The following TTC7B variants were observed in gnomAD, a reference collection of about 807,000 sequenced individuals.
TTC7B encodes the protein tetratricopeptide repeat protein 7B.
In TTC7B, 28 loss-of-function variants were observed where a neutral mutation model predicts 106.8. The ratio of observed to expected loss-of-function variants is 0.26; its 90% CI spans 0.19 to 0.36. The LOEUF is 0.36. TTC7B is among the 10% of genes least tolerant of loss of function. The pLI, the probability that TTC7B is intolerant of heterozygous loss-of-function variation, is 1.00. For synonymous variants in TTC7B, 405 were observed against 430.6 expected (o/e 0.94, Z 0.74); for missense variants, 862 against 1,076.4 (o/e 0.80, Z 2.79).
At chr14:90,562,805 C>T (rs910381604) in intron 19 of TTC7B, among the ~76,000 whole-genome samples, 3 of 152,140 alleles carry the variant, frequency 2.0e-5, no homozygotes, top group African/African-American at 4.8e-5. Flanking sequence ...CAAACTTGCC[C>T]GAATGTCCCA....
intron 1 of TTC7B, among the ~76,000 whole-genome samples, chr14:90,814,605 C>T (rs2031074431): frequency 6.6e-6 from 1 of 152,172 alleles, no homozygotes; most frequent in African/African-American, 2.4e-5. Context: ...CAAATAAACC[C>T]ATTTAATCCT....
At chr14:90,623,168 C>A (rs146345945) in intron 15 of TTC7B, among the ~76,000 whole-genome samples, 1 of 152,254 alleles carries the variant, frequency 6.6e-6, no homozygotes, top group East Asian at 1.9e-4. Flanking sequence ...ATAAAAAACA[C>A]GAGAGCTCAC....
rs142561761 is a variant in TTC7B, at chr14:90,644,164, T to C, written c.1635A>G (p.Gln545=). The change falls in exon 15 of 20, where the codon CAA becomes CAG. Residue 545 remains glutamine (Q), a synonymous_variant. Coordinates refer to ENST00000328459, the MANE Select transcript of TTC7B (RefSeq NM_001010854.2). ...GGTGCAGGGAGTTGGCATCGTCACC[T>C]TGAAGCTGAAGAGCTTGGCGGACAT... ...LGYVRQALQL[Q]GDDANSLHLL... 16 of 1,612,840 alleles carry C rather than the reference T, an allele frequency of 9.9e-6. No homozygotes were observed. Among genetic ancestry groups the C allele is most frequent in the African/African-American group, 1.3e-5 (1 of 74,780 alleles).
At chr14:90,683,347 C>T (rs1887128443) in intron 7 of TTC7B, among the ~76,000 whole-genome samples, 3 of 152,102 alleles carry the variant, frequency 2.0e-5, no homozygotes, top group Admixed American at 6.5e-5. Context: ...CCTGGAGAAA[C>T]ACAGCCTCTG....
At chr14:90,755,099 C>T (rs915934574) in intron 3 of TTC7B, among the ~76,000 whole-genome samples, 3 of 152,146 alleles carry the variant, frequency 2.0e-5, no homozygotes, top group Non-Finnish European at 4.4e-5. Context: ...TTTCTATTTA[C>T]GCATTCATCA....
chr14:90,626,099 C>T (rs906648578), intron 15 of TTC7B, among the ~76,000 whole-genome samples: 3 of 152,134 alleles, frequency 2.0e-5, no homozygotes, highest in Admixed American at 6.5e-5. Flanking sequence ...GCAAATTTAA[C>T]GTCAAGAAGC....
At chr14:90,733,715 G>A (rs1889411893) in intron 4 of TTC7B, among the ~76,000 whole-genome samples, 1 of 152,160 alleles carries the variant, frequency 6.6e-6, no homozygotes, top group Admixed American at 6.6e-5. Flanking sequence ...ACGGGGAAGG[G>A]GCTGAAGATT....
At chr14:90,751,575 T>TC (rs1890137293) in intron 3 of TTC7B, among the ~76,000 whole-genome samples, 1 of 151,254 alleles carries the variant, frequency 6.6e-6, no homozygotes, top group Admixed American at 6.6e-5. Flanking sequence ...TCTTTTTATT[T>TC]ATTTTTTTAT....
intron 18 of TTC7B, among the ~76,000 whole-genome samples, chr14:90,592,535 C>T (rs1224433687): frequency 2.0e-5 from 3 of 152,014 alleles, no homozygotes; most frequent in African/African-American, 7.3e-5. Flanking sequence ...ATGGTGAAAC[C>T]CCGTCTCTAC....
chr14:90,561,696 C>T (rs1478310684), intron 19 of TTC7B, among the ~76,000 whole-genome samples: 1 of 152,242 alleles, frequency 6.6e-6, no homozygotes, highest in Non-Finnish European at 1.5e-5. Flanking sequence ...CAAGCCACTT[C>T]TGCTCCTGAC....
At chr14:90,703,845 T>C (rs1248843743) in intron 5 of TTC7B, among the ~76,000 whole-genome samples, 1 of 152,208 alleles carries the variant, frequency 6.6e-6, no homozygotes, top group Non-Finnish European at 1.5e-5. Context: ...ACAGTGCCGA[T>C]GGGATTGTCA....
chr14:90,609,189 A>G (rs1360620408), intron 17 of TTC7B, among the ~76,000 whole-genome samples: 1 of 152,204 alleles, frequency 6.6e-6, no homozygotes, highest in Non-Finnish European at 1.5e-5. Flanking sequence ...TAAGCCCACC[A>G]ATGACTGCTG....
intron 19 of TTC7B, among the ~76,000 whole-genome samples, chr14:90,545,745 T>C (rs1454736120): frequency 6.6e-6 from 1 of 152,068 alleles, no homozygotes; most frequent in African/African-American, 2.4e-5. Context: ...GGCTGCAGGG[T>C]ATGGGACAGG....
intron 3 of TTC7B, chr14:90,766,882 C>G: frequency 6.3e-7 from 1 of 1,594,126 alleles, no homozygotes; most frequent in Non-Finnish European, 8.6e-7. Flanking sequence ...GAAGAAGATT[C>G]GGGCCCATAG....
At chr14:90,787,382 G>A (rs528107499) in intron 1 of TTC7B, among the ~76,000 whole-genome samples, 2 of 152,216 alleles carry the variant, frequency 1.3e-5, no homozygotes, top group African/African-American at 4.8e-5. Flanking sequence ...CTATTTTTCT[G>A]GGATGGGACA....
At chr14:90,559,679 A>G (rs1389403326) in intron 19 of TTC7B, among the ~76,000 whole-genome samples, 1 of 152,178 alleles carries the variant, frequency 6.6e-6, no homozygotes, top group Non-Finnish European at 1.5e-5. Flanking sequence ...CACGATTCTC[A>G]CAGCCACTCT....
At chr14:90,545,128 C>A (rs995510464) in intron 19 of TTC7B, among the ~76,000 whole-genome samples, 1 of 152,184 alleles carries the variant, frequency 6.6e-6, no homozygotes, top group Non-Finnish European at 1.5e-5. Flanking sequence ...CAATCAACAT[C>A]GAGCTGCAGC....
intron 18 of TTC7B, among the ~76,000 whole-genome samples, chr14:90,584,790 G>A (rs2139812545): frequency 6.6e-6 from 1 of 152,200 alleles, no homozygotes; most frequent in Middle Eastern, 3.4e-3. Context: ...CCTCCCTAAA[G>A]AGAGATGCTG....
chr14:90,649,778 T>C (rs1307262917), intron 13 of TTC7B, among the ~76,000 whole-genome samples: 1 of 144,376 alleles, frequency 6.9e-6, no homozygotes, highest in Non-Finnish European at 1.5e-5. Context: ...CATCCAACCA[T>C]CCACCTACCC....
Sources: allele counts gnomAD v4.1 joint callset (sites outside exome capture counted in the v4.1 genomes callset), GRCh38; gene constraint gnomAD v4.1.1; transcripts MANE v1.5; gene names NCBI Gene and HGNC (gene_info 2026-07-23, HGNC 2026-07-21).